STIM2: variants seen among roughly 807,000 people sequenced by gnomAD.
The protein encoded by STIM2 is stromal interaction molecule 2.
A neutral mutation model predicts 85.8 loss-of-function variants in STIM2; 31 were observed. The ratio of observed to expected loss-of-function variants is 0.36; its 90% CI spans 0.27 to 0.49. The LOEUF (loss-of-function observed/expected upper bound fraction) is 0.49. Ranked by LOEUF, STIM2 falls within the 20% of genes least tolerant of loss-of-function variation. The pLI, the probability that STIM2 is intolerant of heterozygous loss-of-function variation, is 0.98. For synonymous variants in STIM2, 356 were observed against 331.1 expected (o/e 1.08, Z -0.82); for missense variants, 841 against 927.6 (o/e 0.91, Z 1.21).
At chr4:26,904,469 C>T (rs1353253855) in intron 1 of STIM2, among the ~76,000 whole-genome samples, 2 of 152,016 alleles carry the variant, frequency 1.3e-5, no homozygotes, top group Middle Eastern at 3.2e-3. Flanking sequence ...ATTGTGCTGT[C>T]TTGGAAATTA....
At chr4:26,872,131 T>C (rs1722642804) in intron 1 of STIM2, among the ~76,000 whole-genome samples, 1 of 152,218 alleles carries the variant, frequency 6.6e-6, no homozygotes, top group African/African-American at 2.4e-5. Flanking sequence ...AAATGTGCTT[T>C]GATTTATTGA....
intron 2 of STIM2, among the ~76,000 whole-genome samples, chr4:26,938,460 A>G (rs1444279125): frequency 6.6e-6 from 1 of 152,136 alleles, no homozygotes; most frequent in Non-Finnish European, 1.5e-5. Flanking sequence ...TTGTGTTTTT[A>G]CCACAAAAAC....
At position 27,024,085 on chromosome 4, in the gene STIM2, G is replaced by T. The variant is rs1434792050; in HGVS notation, c.*1089G>T. 1.3e-5 allele frequency: 2 copies of T among 152,584 alleles called. No homozygotes were observed. The highest frequency in any genetic ancestry group is 2.9e-5 in the Non-Finnish European group (2 of 68,024). The allele number at this position is 152,584 out of a possible 1,614,324, so 9.5% of individuals were successfully genotyped here. On this transcript the variant is annotated 3_prime_UTR_variant, in exon 12 of 12. Transcript: ENST00000467087. ...AATAGTGATGTTTTGGACGTAAGTT[G>T]TCAACAAATTTCTATTTTATATTGT...
chr4:26,911,781 T>C (rs1359863201), intron 1 of STIM2, among the ~76,000 whole-genome samples: 1 of 152,240 alleles, frequency 6.6e-6, no homozygotes, highest in Admixed American at 6.5e-5. Context: ...ACAGGTAACA[T>C]GTATAAAAGG....
chr4:27,018,026 T>C lies in STIM2; in HGVS notation c.1763+42T>C, dbSNP rs1243187619. 3.1e-6 allele frequency: 5 copies of C among 1,604,790 alleles called. No homozygotes were observed. The Middle Eastern group carries it at 5.0e-4, about 160-fold the overall frequency. Reference sequence around the variant, plus strand: ...ATCTACAGGGCATGTTGGGGCTGGGTTGGGGGTAAGGTGTGAGGAGGGGGC... The same window carrying C: ...ATCTACAGGGCATGTTGGGGCTGGGCTGGGGGTAAGGTGTGAGGAGGGGGC... On this transcript the variant is annotated intron_variant, in intron 11 of 11. Transcript: ENST00000467087.
chr4:26,956,462 G>T (rs1726243415), intron 2 of STIM2, among the ~76,000 whole-genome samples: 1 of 139,790 alleles, frequency 7.2e-6, no homozygotes, highest in Admixed American at 7.2e-5. Context: ...TTTTTTTTAA[G>T]AGACAGGTTC....
At chr4:26,934,118 C>A (rs1423385610) in intron 2 of STIM2, among the ~76,000 whole-genome samples, 1 of 152,064 alleles carries the variant, frequency 6.6e-6, no homozygotes, top group African/African-American at 2.4e-5. Flanking sequence ...CACTTGAACC[C>A]AGGAGGCGGA....
rs1023309510 is a variant in STIM2, at chr4:27,025,263, A to G, written c.*2267A>G. The G allele has an allele frequency of 1.3e-5, 2 of 152,150 alleles. No homozygotes were observed. The highest frequency in any genetic ancestry group is 2.9e-5 in the Non-Finnish European group (2 of 68,020). The allele number at this position is 152,150 out of a possible 1,614,324, so 9.4% of individuals were successfully genotyped here. On this transcript the variant is annotated 3_prime_UTR_variant, in exon 12 of 12. Transcript: ENST00000467087. ...AAAGCTACAGTAATTTCTGTATTAC[A>G]TCATTTATATGTGAAAAGTTGGACA...
intron 2 of STIM2, among the ~76,000 whole-genome samples, chr4:26,928,704 C>T (rs1218278980): frequency 1.3e-5 from 2 of 152,062 alleles, no homozygotes; most frequent in Non-Finnish European, 2.9e-5. Context: ...AGTGTTATCA[C>T]CACTCTGCAA....
At chr4:26,968,549 A>C (rs538429453) in intron 3 of STIM2, among the ~76,000 whole-genome samples, 2 of 152,152 alleles carry the variant, frequency 1.3e-5, no homozygotes, top group Non-Finnish European at 2.9e-5. Flanking sequence ...TTGAATGGAT[A>C]CAGAATTTCA....
chr4:26,895,309 G>T (rs1182151311), intron 1 of STIM2, among the ~76,000 whole-genome samples: 1 of 152,118 alleles, frequency 6.6e-6, no homozygotes, highest in Non-Finnish European at 1.5e-5. Flanking sequence ...TTCCCTAGAG[G>T]TCTTGCAGCT....
At chr4:26,949,454 A>G (rs1381286040) in intron 2 of STIM2, among the ~76,000 whole-genome samples, 1 of 152,214 alleles carries the variant, frequency 6.6e-6, no homozygotes, top group Non-Finnish European at 1.5e-5. Flanking sequence ...CATTAAAATT[A>G]TAAGTACTAA....
At chr4:26,870,167 A>G (rs995402044) in intron 1 of STIM2, among the ~76,000 whole-genome samples, 7 of 152,184 alleles carry the variant, frequency 4.6e-5, no homozygotes, top group African/African-American at 1.7e-4. Context: ...AACTTCAAGT[A>G]CAAAGATTCA....
intron 1 of STIM2, chr4:26,873,456 A>C (rs1722703760): frequency 7.9e-6 from 2 of 254,608 alleles, no homozygotes; most frequent in African/African-American, 4.5e-5. Context: ...GTTCTGAACT[A>C]AATCATTGTG....
At chr4:26,875,049 CATATTGGTTTT>C (rs1420986770) in intron 1 of STIM2, among the ~76,000 whole-genome samples, 1 of 152,152 alleles carries the variant, frequency 6.6e-6, no homozygotes, top group Non-Finnish European at 1.5e-5. Flanking sequence ...AGCTGAATGG[CATATTGGTTTT>C]ATTGATTAAT....
intron 4 of STIM2, 81 bp from the exon 5 acceptor site, chr4:26,999,151 G>A: frequency 3.9e-6 from 2 of 514,578 alleles, no homozygotes; most frequent in East Asian, 4.2e-5. Flanking sequence ...TAAATGTGTT[G>A]CTCAAATATT....
At chr4:26,905,161 A>G (rs1323380428) in intron 1 of STIM2, among the ~76,000 whole-genome samples, 5 of 152,232 alleles carry the variant, frequency 3.3e-5, no homozygotes, top group African/African-American at 1.2e-4. Flanking sequence ...TGAATAGACC[A>G]GAAAGTTATG....
At chr4:26,915,272 T>C (rs1198033339) in intron 1 of STIM2, among the ~76,000 whole-genome samples, 1 of 152,202 alleles carries the variant, frequency 6.6e-6, no homozygotes, top group African/African-American at 2.4e-5. Flanking sequence ...TCTCACTCTG[T>C]TACCCAGGGT....
At chr4:26,915,748 T>A (rs1269209330) in intron 1 of STIM2, among the ~76,000 whole-genome samples, 1 of 152,220 alleles carries the variant, frequency 6.6e-6, no homozygotes, top group Non-Finnish European at 1.5e-5. Flanking sequence ...AAAAGAATGC[T>A]TAGCATATAA....
Sources: allele counts gnomAD v4.1 joint callset (sites outside exome capture counted in the v4.1 genomes callset), GRCh38; gene constraint gnomAD v4.1.1; transcripts MANE v1.5; gene names NCBI Gene and HGNC (gene_info 2026-07-23, HGNC 2026-07-21).